Variants in ALDH1B1 observed in about 807,000 individuals in gnomAD.
ALDH1B1 encodes the protein aldehyde dehydrogenase 1 family member B1, also known as aldehyde dehydrogenase family 1 member B1, mitochondrial.
ALDH1B1 carries 19 observed loss-of-function variants against 26.2 expected under a neutral mutation model. That is an observed-to-expected ratio of 0.72 (90% CI 0.51 to 1.06). ALDH1B1 has a LOEUF of 1.06. Ranked by LOEUF, ALDH1B1 falls within the 50% of genes least tolerant of loss-of-function variation. The probability of loss-of-function intolerance (pLI) is 0.00; values close to 1 mark genes in which losing one functional copy is unlikely to be tolerated. For missense variants in ALDH1B1, 671 were observed against 683.1 expected, an observed-to-expected ratio of 0.98 and a Z score of 0.20; for synonymous variants, 249 against 286.0, an observed-to-expected ratio of 0.87 and a Z score of 1.31.
chr9:38,393,239 G>A (rs748479418), intron 1 of ALDH1B1, among the ~76,000 whole-genome samples: 3 of 152,216 alleles, frequency 2.0e-5, no homozygotes, highest in Non-Finnish European at 4.4e-5. Context: ...GATATGCAAA[G>A]CTAGGTTTGT....
rs868207130 is a variant in ALDH1B1 at position 38,392,712 on chromosome 9, C to G, written c.-105C>G. The G allele has an allele frequency of 1.0e-6, 1 of 985,588 alleles. No individual in the cohort carries two copies. Among genetic ancestry groups the G allele is most frequent in the Non-Finnish European group, 1.2e-6 (1 of 830,060 alleles). The allele number at this position is 985,588 out of a possible 1,614,324, so 61.1% of individuals were successfully genotyped here. A position where few individuals can be genotyped will look rare whatever the true frequency, so the allele number is the denominator to read the frequency against. ...AGCCCCGGGCTGCGCGGAGGCGGGA[C>G]CTGCGGCCAGCCCTGGGCGGCCATG... On this transcript the variant is annotated 5_prime_UTR_variant, in exon 1 of 2. Coordinates refer to ENST00000377698, the MANE Select transcript of ALDH1B1 (RefSeq NM_000692.5).
chr9:38,392,921 C>T (rs1209950527), intron 1 of ALDH1B1, 114 bp downstream of exon 1: 2 of 984,800 alleles, frequency 2.0e-6, no homozygotes, highest in Non-Finnish European at 2.4e-6. Flanking sequence ...GCCTTTCCGC[C>T]GTTGCACTGT....
At chr9:38,392,982 A>G (rs1821218831) in intron 1 of ALDH1B1, among the ~76,000 whole-genome samples, 175 bp downstream of exon 1, 1 of 152,100 alleles carries the variant, frequency 6.6e-6, no homozygotes, top group African/African-American at 2.4e-5. Context: ...GGGTGACGCT[A>G]CAGGAGCCCC....
At position 38,396,525 on chromosome 9, in the gene ALDH1B1, C is replaced by T. The variant is rs1821291110; in HGVS notation, c.777C>T (p.Ala259=). The change falls in exon 2 of 2, where the codon GCC becomes GCT. Residue 259 remains alanine, a synonymous_variant. Coordinates refer to ENST00000377698, the MANE Select transcript of ALDH1B1 (RefSeq NM_000692.5). ...IAQHVDVDKV[A]FTGSTEVGHL... The stretch of plus-strand genomic sequence containing the variant: ...AGCACGTGGATGTTGACAAAGTTGC[C>T]TTCACCGGTTCCACCGAGGTGGGCC... The T allele has an allele frequency of 6.2e-7, 1 of 1,613,768 alleles. No individual in the cohort carries two copies. Among genetic ancestry groups the T allele is most frequent in the African/African-American group, 1.3e-5 (1 of 74,928 alleles).
chr9:38,393,078 G>A (rs536924128), intron 1 of ALDH1B1, among the ~76,000 whole-genome samples: 117 of 152,354 alleles, frequency 7.7e-4, no homozygotes, highest in African/African-American at 2.7e-3. Flanking sequence ...GAGGGCCCCT[G>A]ACCATAGCCC....
At position 38,396,504 on chromosome 9, in the gene ALDH1B1, C is replaced by A; in HGVS notation, c.756C>A (p.His252Gln). 9 of 1,613,988 alleles carry A rather than the reference C, an allele frequency of 5.6e-6. No homozygotes were observed. Among genetic ancestry groups the A allele is most frequent in the Non-Finnish European group, 7.6e-6 (9 of 1,179,962 alleles). Residue 252 changes from histidine (H) to glutamine (Q), a missense_variant, in exon 2 of 2, where the codon CAC (histidine) becomes CAA (glutamine). His to Gln is a conservative substitution (Grantham distance 24). Transcript: ENST00000377698. ...GPTAGAAIAQ[H>Q]VDVDKVAFTG... ...CAGCAGGTGCGGCCATCGCCCAGCA[C>A]GTGGATGTTGACAAAGTTGCCTTCA... is the stretch of plus-strand genomic sequence containing the variant.
rs1821214606 is a variant in ALDH1B1, at chr9:38,392,771, A to G, written c.-46A>G. On this transcript the variant is annotated 5_prime_UTR_variant, in exon 1 of 2. Transcript: ENST00000377698. ...GCTGGGAGGGCCGGAACCAGAACCC[A>G]AGCGTGATCCTGAACCGGAGCCCGA... 3.0e-6 allele frequency: 3 copies of G among 985,594 alleles called. No individual in the cohort carries two copies. In the South Asian group the frequency reaches 1.4e-4, roughly 46 times the overall value. 61.1% of individuals were successfully genotyped at this position (985,594 alleles called of 1,614,324 possible). A position where few individuals can be genotyped will look rare whatever the true frequency, so the allele number is the denominator to read the frequency against.
intron 1 of ALDH1B1, among the ~76,000 whole-genome samples, chr9:38,394,261 G>A (rs1423109518): frequency 6.6e-6 from 1 of 152,060 alleles, no homozygotes; most frequent in Non-Finnish European, 1.5e-5. Flanking sequence ...ACCCGCAAGG[G>A]GAAGGGAAAC....
chr9:38,395,683 G>T (rs1821263884), intron 1 of ALDH1B1, 57 bp from the exon 2 acceptor site: 5 of 1,515,962 alleles, frequency 3.3e-6, no homozygotes, highest in Non-Finnish European at 4.4e-6. Flanking sequence ...GGGCCCTTGG[G>T]TACCGCCACC....
Position 38,397,511 on chromosome 9 carries a change from C to T in ALDH1B1, c.*209C>T. 2 of 692,248 alleles carry T rather than the reference C, an allele frequency of 2.9e-6. No individual in the cohort carries two copies. Among genetic ancestry groups the T allele is most frequent in the Non-Finnish European group, 4.6e-6 (2 of 430,124 alleles). The allele number at this position is 692,248 out of a possible 1,614,324, so 42.9% of individuals were successfully genotyped here. Reference sequence around the variant, plus strand: ...GCTCAGAGTTCTACCTATCTAACCCCCAACCACAGCCCCCTTGGTGGCCCA... The same window carrying T: ...GCTCAGAGTTCTACCTATCTAACCCTCAACCACAGCCCCCTTGGTGGCCCA... On this transcript the variant is annotated 3_prime_UTR_variant, in exon 2 of 2. Transcript: ENST00000377698.
At chr9:38,392,835 C>G (rs1329595038) in intron 1 of ALDH1B1, 28 bp downstream of exon 1, 8 of 985,660 alleles carry the variant, frequency 8.1e-6, no homozygotes, top group Non-Finnish European at 9.6e-6. Flanking sequence ...CCCCTCGGCT[C>G]CCTCGGGAAG....
In ALDH1B1 at chr9:38,397,319, G is replaced by A; in HGVS notation, c.*17G>A. 6.3e-7 allele frequency: 1 copy of A among 1,594,040 alleles called. No individual in the cohort carries two copies. Among genetic ancestry groups the A allele is most frequent in the Non-Finnish European group, 8.6e-7 (1 of 1,167,854 alleles). On this transcript the variant is annotated 3_prime_UTR_variant, in exon 2 of 2. Coordinates refer to ENST00000377698, the MANE Select transcript of ALDH1B1 (RefSeq NM_000692.5). ...AACTCGTAAGAGCAGCTGTCAGGGA[G>A]GCCCAGTCACAGTCCAGCAATTCCA... is the stretch of plus-strand genomic sequence containing the variant.
In ALDH1B1 at chr9:38,395,799, C is replaced by T; in HGVS notation, c.51C>T (p.Ala17=). The change falls in exon 2 of 2, where the codon GCC becomes GCT. Residue 17 remains alanine, a synonymous_variant. Coordinates refer to ENST00000377698, the MANE Select transcript of ALDH1B1 (RefSeq NM_000692.5). ...TGCTTAGCCTCCAGGGCAGGACCGC[C>T]CGCTACTCCTCGGCAGCAGCCCTCC... The part of the protein sequence containing the change: ...PRLLSLQGRT[A]RYSSAAALPS... 4.3e-6 allele frequency: 7 copies of T among 1,612,408 alleles called. No individual in the cohort carries two copies. Among genetic ancestry groups the T allele is most frequent in the Non-Finnish European group, 5.9e-6 (7 of 1,179,726 alleles).
intron 1 of ALDH1B1, 41 bp from the exon 2 acceptor site, chr9:38,395,685 ACCGCCACCTGCCTT>A (rs1821263975): frequency 4.6e-6 from 7 of 1,516,198 alleles, no homozygotes. Flanking sequence ...GCCCTTGGGT[ACCGCCACCTGCCTT>A]CTCCCACCTG....
chr9:38,395,846 A>G lies in ALDH1B1; in HGVS notation c.98A>G (p.Asp33Gly). 2 of 1,613,438 alleles carry G rather than the reference A, an allele frequency of 1.2e-6. No individual in the cohort carries two copies. The highest frequency in any genetic ancestry group is 1.7e-6 in the Non-Finnish European group (2 of 1,180,038). ...CTCCCAAGCCCCATTCTGAACCCAG[A>G]CATCCCCTACAACCAGCTGTTCATC... ...AALPSPILNP[D>G]IPYNQLFINN... The change falls in exon 2 of 2, where the codon GAC becomes GGC. Residue 33 changes from aspartate (D) to glycine (G), a missense_variant. Transcript: ENST00000377698.
Position 38,396,971 on chromosome 9 carries a change from A to G in ALDH1B1, c.1223A>G (p.Asp408Gly), listed in dbSNP as rs564057889. Reference sequence around the variant, plus strand: ...CCTACTGTCTTTGGTGGCGTGCAGGATGACATGAGAATTGCCAAAGAGGAG... The same window carrying G: ...CCTACTGTCTTTGGTGGCGTGCAGGGTGACATGAGAATTGCCAAAGAGGAG... Reference protein sequence around the residue: ...IKPTVFGGVQDDMRIAKEEIF... With the variant: ...IKPTVFGGVQGDMRIAKEEIF... Residue 408 changes from aspartate to glycine, a missense_variant, in exon 2 of 2, where the codon GAT becomes GGT. Coordinates refer to ENST00000377698, the MANE Select transcript of ALDH1B1 (RefSeq NM_000692.5). The G allele has an allele frequency of 1.2e-6, 2 of 1,614,110 alleles. No homozygotes were observed. Among genetic ancestry groups the G allele is most frequent in the East Asian group, 4.5e-5 (2 of 44,874 alleles).
At chr9:38,393,397 G>T (rs1051169588) in intron 1 of ALDH1B1, among the ~76,000 whole-genome samples, 1 of 152,166 alleles carries the variant, frequency 6.6e-6, no homozygotes, top group South Asian at 2.1e-4. Context: ...CAAATTTCCC[G>T]TGAGAAGACA....
rs1346006410 is a variant in ALDH1B1 at position 38,397,859 on chromosome 9, G to A, written c.*557G>A. 6.0e-6 allele frequency: 1 copy of A among 167,862 alleles called. No homozygotes were observed. The highest frequency in any genetic ancestry group is 2.4e-5 in the African/African-American group (1 of 41,460). The allele number at this position is 167,862 out of a possible 1,614,324, so 10.4% of individuals were successfully genotyped here. On this transcript the variant is annotated 3_prime_UTR_variant, in exon 2 of 2. Transcript: ENST00000377698. ...TTCCTTAATTTGTGGGAAGGAGTAGGCAAAGAATATGCTTACATGATTACA... is the reference window on the plus strand; with the variant it reads ...TTCCTTAATTTGTGGGAAGGAGTAGACAAAGAATATGCTTACATGATTACA...
rs775821681 is a variant in ALDH1B1 at position 38,396,569 on chromosome 9, C to T, written c.821C>T (p.Ala274Val). ...GTGGGCCACCTGATCCAGAAAGCAG[C>T]TGGCGATTCCAACCTCAAGAGAGTC... is the stretch of plus-strand genomic sequence containing the variant. ...TEVGHLIQKA[A>V]GDSNLKRVTL... The change falls in exon 2 of 2, where the codon GCT (alanine) becomes GTT (valine). Residue 274 changes from alanine (A) to valine (V), a missense_variant. Physicochemically the swap from Ala to Val is moderately conservative, Grantham distance 64 (BLOSUM62 0). Transcript: ENST00000377698. 25 of 1,613,838 alleles carry T rather than the reference C, an allele frequency of 1.5e-5. No individual in the cohort carries two copies. In the East Asian group the frequency reaches 4.9e-4, roughly 32 times the overall value.
Sources: allele counts gnomAD v4.1 joint callset (sites outside exome capture counted in the v4.1 genomes callset), GRCh38; gene constraint gnomAD v4.1.1; transcripts MANE v1.5; gene names NCBI Gene and HGNC (gene_info 2026-07-23, HGNC 2026-07-21).